TACR3: variants seen among roughly 807,000 people sequenced by gnomAD.
TACR3 encodes neuromedin-K receptor.
In TACR3, 34 loss-of-function variants were observed where a neutral mutation model predicts 35.0. The observed-to-expected ratio is 0.97, with a 90% confidence interval of 0.74 to 1.30. TACR3 has a LOEUF of 1.30. Ranked by LOEUF, TACR3 falls within the 50% of genes most tolerant of loss-of-function variation. The pLI is 0.00. For missense variants in TACR3, 558 were observed against 591.7 expected (o/e 0.94, Z 0.59); for synonymous variants, 233 against 221.1 (o/e 1.05, Z -0.48).
At position 103,621,528 on chromosome 4, in the gene TACR3, GGTA is replaced by G. The variant is rs1341861201; in HGVS notation, c.889-29848_889-29846del. 2.0e-5 allele frequency among the ~76,000 whole-genome samples: 3 copies of G among 152,086 alleles called. No homozygotes were observed. The East Asian group carries it at 5.8e-4, about 29-fold the overall frequency. On this transcript the variant is annotated intron_variant, in intron 3 of 4. Coordinates refer to ENST00000304883, the MANE Select transcript of TACR3 (RefSeq NM_001059.3). ...TTTTATAAATTCAGACAAAGAATTA[GGTA>G]GTTCTAAACAAGAATGGAGAAAAGG...
chr4:103,634,160 T>C (rs1178993546), intron 3 of TACR3, among the ~76,000 whole-genome samples: 3 of 152,122 alleles, frequency 2.0e-5, no homozygotes, highest in East Asian at 1.9e-4. Context: ...TTCACTTTTT[T>C]CCCAAAGGAT....
chr4:103,697,758 C>A (rs1316839541), intron 1 of TACR3, among the ~76,000 whole-genome samples: 1 of 152,136 alleles, frequency 6.6e-6, no homozygotes, highest in Non-Finnish European at 1.5e-5. Context: ...ATTGGTAACT[C>A]AAATTTGTGT....
intron 3 of TACR3, among the ~76,000 whole-genome samples, chr4:103,650,624 AT>A (rs1560821872): frequency 1.0e-5 from 1 of 96,100 alleles, no homozygotes; most frequent in Non-Finnish European, 1.9e-5. Flanking sequence ...TATATTATAT[AT>A]AAATATATAA....
intron 1 of TACR3, among the ~76,000 whole-genome samples, chr4:103,700,852 G>C (rs1280891358): frequency 6.6e-6 from 1 of 151,990 alleles, no homozygotes; most frequent in Non-Finnish European, 1.5e-5. Context: ...ATTCAACAAC[G>C]CTTCATGCTA....
At chr4:103,667,648 G>A (rs976658835) in intron 1 of TACR3, among the ~76,000 whole-genome samples, 2 of 151,958 alleles carry the variant, frequency 1.3e-5, no homozygotes, top group Admixed American at 1.3e-4. Flanking sequence ...AAAAATACTA[G>A]TACACTAAAA....
intron 3 of TACR3, among the ~76,000 whole-genome samples, chr4:103,629,977 G>T (rs913069183): frequency 2.0e-5 from 3 of 151,730 alleles, no homozygotes; most frequent in South Asian, 2.1e-4. Flanking sequence ...GCATGGTACT[G>T]GTACCAAAAC....
chr4:103,614,891 T>G lies in TACR3; in HGVS notation c.889-23208A>C, dbSNP rs1218371284. ...TAAGTTGATTATGAATGTGTTTTTTTTTTTTTTTTTTTTTTTTTTTTGAGA... is the reference window on the plus strand; with the variant it reads ...TAAGTTGATTATGAATGTGTTTTTTGTTTTTTTTTTTTTTTTTTTTTGAGA... On this transcript the variant is annotated intron_variant, in intron 3 of 4. Transcript: ENST00000304883. Among the ~76,000 whole-genome samples the G allele has an allele frequency of 3.7e-3, 407 of 109,686 alleles. 9 individuals carry two copies. The highest frequency in any genetic ancestry group is 0.014 in the African/African-American group (388 of 27,548). The allele number at this position is 109,686 out of a possible 152,430, so 72.0% of individuals were successfully genotyped here.
intron 4 of TACR3, among the ~76,000 whole-genome samples, chr4:103,590,850 T>TA (rs1444486109): frequency 6.6e-6 from 1 of 152,178 alleles, no homozygotes; most frequent in Non-Finnish European, 1.5e-5. Flanking sequence ...TTTCTAGTCT[T>TA]ACATTTGACT....
intron 1 of TACR3, among the ~76,000 whole-genome samples, chr4:103,686,927 G>A (rs1003536958): frequency 5.3e-5 from 8 of 152,176 alleles, no homozygotes; most frequent in East Asian, 1.9e-4. Context: ...ACCAAAGCTG[G>A]GCAGAGACAC....
At chr4:103,616,369 T>C (rs2110300711) in intron 3 of TACR3, among the ~76,000 whole-genome samples, 1 of 152,208 alleles carries the variant, frequency 6.6e-6, no homozygotes. Flanking sequence ...ATATGGAGTA[T>C]ATAGTATATA....
intron 3 of TACR3, among the ~76,000 whole-genome samples, chr4:103,620,873 T>C (rs1199504391): frequency 6.9e-6 from 1 of 144,678 alleles, no homozygotes; most frequent in Non-Finnish European, 1.5e-5. Context: ...TGTACTTGTC[T>C]CTAAAATAAA....
At chr4:103,616,696 C>G (rs943315208) in intron 3 of TACR3, among the ~76,000 whole-genome samples, 67 of 152,144 alleles carry the variant, frequency 4.4e-4, no homozygotes, top group African/African-American at 1.6e-3. Flanking sequence ...CCTGTAATTT[C>G]AGACCTTCGG....
At chr4:103,628,910 A>G (rs1197161281) in intron 3 of TACR3, among the ~76,000 whole-genome samples, 2 of 152,082 alleles carry the variant, frequency 1.3e-5, no homozygotes, top group African/African-American at 2.4e-5. Flanking sequence ...GACAAACTGA[A>G]TCCAGCAGCA....
intron 1 of TACR3, among the ~76,000 whole-genome samples, chr4:103,666,594 T>A (rs185425852): frequency 5.6e-4 from 86 of 152,292 alleles, no homozygotes; most frequent in African/African-American, 2.0e-3. Context: ...AATACTAAAA[T>A]TTTAATTTTT....
intron 3 of TACR3, among the ~76,000 whole-genome samples, chr4:103,608,722 T>C (rs538378726): frequency 1.3e-5 from 2 of 152,234 alleles, no homozygotes; most frequent in African/African-American, 4.8e-5. Context: ...TTATGCTTTC[T>C]AACAGAGTAT....
chr4:103,692,746 T>C (rs895615960), intron 1 of TACR3, among the ~76,000 whole-genome samples: 8 of 152,188 alleles, frequency 5.3e-5, no homozygotes, highest in African/African-American at 1.9e-4. Flanking sequence ...TCATTAGATA[T>C]TGTCTATTAT....
chr4:103,685,967 A>G (rs1226127078), intron 1 of TACR3, among the ~76,000 whole-genome samples: 3 of 152,160 alleles, frequency 2.0e-5, no homozygotes, highest in Non-Finnish European at 4.4e-5. Flanking sequence ...AAAAGAATGG[A>G]TAAACTCTTA....
intron 1 of TACR3, among the ~76,000 whole-genome samples, chr4:103,710,568 C>T (rs1722922320): frequency 6.6e-6 from 1 of 152,066 alleles, no homozygotes; most frequent in Non-Finnish European, 1.5e-5. Flanking sequence ...ACCCTAACAT[C>T]ACAATTAAAA....
intron 3 of TACR3, among the ~76,000 whole-genome samples, chr4:103,594,388 G>A (rs1723960174): frequency 6.6e-6 from 1 of 152,040 alleles, no homozygotes; most frequent in East Asian, 1.9e-4. Context: ...ATAGTGGCCA[G>A]GCTTGTCTCA....
Sources: gnomAD v4.1 joint callset for allele counts (sites outside exome capture counted in the v4.1 genomes callset) on GRCh38, gnomAD v4.1.1 for gene constraint, MANE v1.5 for transcripts, NCBI Gene and HGNC (gene_info 2026-07-23, HGNC 2026-07-21) for gene names.